Variants in PACRG observed in about 807,000 individuals in gnomAD.
The protein encoded by PACRG is parkin coregulated.
Under a neutral mutation model 29.7 loss-of-function variants are expected in PACRG, and 29 were observed. The observed-to-expected ratio is 0.98, with a 90% CI of 0.73 to 1.33. The LOEUF is 1.33. Among genes scored for constraint, PACRG ranks in the 40% most tolerant of loss-of-function variants. The probability of loss-of-function intolerance (pLI) is 0.00; values close to 1 mark genes in which losing one functional copy is unlikely to be tolerated. For missense variants in PACRG, 279 were observed against 316.2 expected, an observed-to-expected ratio of 0.88 and a Z score of 0.89; for synonymous variants, 116 against 118.7, an observed-to-expected ratio of 0.98 and a Z score of 0.15.
chr6:163,180,452 G>A (rs1456714705), intron 4 of PACRG, among the ~76,000 whole-genome samples: 1 of 152,054 alleles, frequency 6.6e-6, no homozygotes, highest in African/African-American at 2.4e-5. Flanking sequence ...ATAGAGTATG[G>A]AAAACACTGC....
chr6:163,168,287 T>C (rs1433465281), intron 4 of PACRG, among the ~76,000 whole-genome samples: 1 of 152,052 alleles, frequency 6.6e-6, no homozygotes, highest in Non-Finnish European at 1.5e-5. Context: ...CTGGCCAACA[T>C]GGTGACACCC....
chr6:163,006,623 A>G (rs1805142677), intron 2 of PACRG, among the ~76,000 whole-genome samples: 1 of 151,834 alleles, frequency 6.6e-6, no homozygotes. Context: ...GAGCTCTGTT[A>G]TTAGGTGCAT....
intron 4 of PACRG, among the ~76,000 whole-genome samples, chr6:163,189,190 T>A (rs1489519571): frequency 6.6e-6 from 1 of 152,270 alleles, no homozygotes; most frequent in Non-Finnish European, 1.5e-5. Flanking sequence ...ACTGCTAAGT[T>A]CTACGTATAA....
intron 1 of PACRG, among the ~76,000 whole-genome samples, chr6:162,782,814 A>G (rs547827203): frequency 6.6e-6 from 1 of 151,924 alleles, no homozygotes; most frequent in Non-Finnish European, 1.5e-5. Context: ...TTATGGAAGC[A>G]AAGTTTTAGG....
chr6:163,125,927 G>T (rs902937083), intron 4 of PACRG, among the ~76,000 whole-genome samples: 2 of 152,166 alleles, frequency 1.3e-5, no homozygotes, highest in Admixed American at 6.5e-5. Flanking sequence ...CATATGTTCT[G>T]CCTTAGGAAA....
intron 4 of PACRG, among the ~76,000 whole-genome samples, chr6:163,127,392 A>C (rs1385138142): frequency 1.3e-5 from 2 of 152,192 alleles, no homozygotes; most frequent in Non-Finnish European, 2.9e-5. Flanking sequence ...GTATTTTGTC[A>C]GTTAATATTG....
At chr6:162,995,605 C>A (rs990685966) in intron 2 of PACRG, among the ~76,000 whole-genome samples, 1 of 152,238 alleles carries the variant, frequency 6.6e-6, no homozygotes, top group Non-Finnish European at 1.5e-5. Flanking sequence ...CGGCTCGCGC[C>A]TGGTGCGTGC....
rs1554313369 is a variant in PACRG, at chr6:162,947,617, T to TATATATATAATC, written c.292-114524_292-114523insATCATATATATA. On this transcript the variant is annotated intron_variant, in intron 2 of 4. Transcript: ENST00000366888. ...AATCATATATATATATAATCATATA[T>TATATATATAATC]ATATATATATATATATATATATATA... Among the ~76,000 whole-genome samples the TATATATATAATC allele has an allele frequency of 1.4e-3, 55 of 38,320 alleles. 1 individual carries two copies. Among genetic ancestry groups the TATATATATAATC allele is most frequent in the African/African-American group, 5.8e-3 (54 of 9,320 alleles). The allele number at this position is 38,320 out of a possible 152,430, so 25.1% of individuals were successfully genotyped here. A position where few individuals can be genotyped will look rare whatever the true frequency, so the allele number is the denominator to read the frequency against.
chr6:162,885,037 A>G (rs1794213757), intron 2 of PACRG, among the ~76,000 whole-genome samples: 1 of 152,110 alleles, frequency 6.6e-6, no homozygotes. Context: ...TGTGGGCTCA[A>G]TGTTACCCAC....
intron 2 of PACRG, among the ~76,000 whole-genome samples, chr6:162,854,739 G>A (rs1189945082): frequency 6.6e-6 from 1 of 152,146 alleles, no homozygotes; most frequent in African/African-American, 2.4e-5. Flanking sequence ...GGCTGTACCA[G>A]CTAGGCCTAC....
At chr6:163,081,567 G>A (rs568605456) in intron 3 of PACRG, among the ~76,000 whole-genome samples, 34 of 152,216 alleles carry the variant, frequency 2.2e-4, no homozygotes, top group African/African-American at 7.9e-4. Context: ...GACTAGCTTC[G>A]GCAACATAGT....
chr6:162,889,897 A>G (rs1254098349), intron 2 of PACRG, among the ~76,000 whole-genome samples: 1 of 152,236 alleles, frequency 6.6e-6, no homozygotes, highest in Non-Finnish European at 1.5e-5. Context: ...TTTTAGCACA[A>G]TCTCCTGTAA....
At chr6:163,191,967 G>A in intron 4 of PACRG, 1 of 321,710 alleles carries the variant, frequency 3.1e-6, no homozygotes, top group South Asian at 2.5e-5. Context: ...GCTATCTACG[G>A]GGAAGCACCG....
At chr6:163,141,347 C>T (rs1817143237) in intron 4 of PACRG, among the ~76,000 whole-genome samples, 1 of 151,830 alleles carries the variant, frequency 6.6e-6, no homozygotes, top group Non-Finnish European at 1.5e-5. Flanking sequence ...AAGAACAAAC[C>T]CACAGCTAAG....
At chr6:162,869,631 A>G (rs1792629094) in intron 2 of PACRG, among the ~76,000 whole-genome samples, 1 of 152,182 alleles carries the variant, frequency 6.6e-6, no homozygotes, top group Non-Finnish European at 1.5e-5. Flanking sequence ...ACAAGTTTTC[A>G]AAGGAGTTTG....
chr6:162,952,887 A>G (rs998415857), intron 2 of PACRG, among the ~76,000 whole-genome samples: 1 of 152,046 alleles, frequency 6.6e-6, no homozygotes, highest in Non-Finnish European at 1.5e-5. Context: ...TTTGCATGTG[A>G]TATGGTTTTA....
At chr6:163,181,934 A>G (rs943862829) in intron 4 of PACRG, among the ~76,000 whole-genome samples, 2 of 152,192 alleles carry the variant, frequency 1.3e-5, no homozygotes, top group Non-Finnish European at 2.9e-5. Flanking sequence ...TATTCACAGC[A>G]GCTTTGTCAT....
chr6:163,079,960 C>T (rs1053548179), intron 3 of PACRG, among the ~76,000 whole-genome samples: 19 of 131,022 alleles, frequency 1.5e-4, no homozygotes, highest in Admixed American at 5.7e-4. Flanking sequence ...TGCAGTGGCG[C>T]GGTCTCGGCT....
intron 2 of PACRG, among the ~76,000 whole-genome samples, chr6:162,951,077 T>A (rs1799612167): frequency 6.6e-6 from 1 of 152,216 alleles, no homozygotes; most frequent in Non-Finnish European, 1.5e-5. Context: ...GTATTTTCCC[T>A]GTAAGTTGGG....
Sources: allele counts gnomAD v4.1 joint callset (sites outside exome capture counted in the v4.1 genomes callset), GRCh38; gene constraint gnomAD v4.1.1; transcripts MANE v1.5; gene names NCBI Gene and HGNC (gene_info 2026-07-23, HGNC 2026-07-21).